The following NPM2 variants were observed in gnomAD, a reference collection of about 807,000 sequenced individuals.
The protein encoded by NPM2 is nucleophosmin/nucleoplasmin 2.
A neutral mutation model predicts 32.0 loss-of-function variants in NPM2; 25 were observed. The ratio of observed to expected loss-of-function variants is 0.78; its 90% confidence interval spans 0.57 to 1.09. The LOEUF (loss-of-function observed/expected upper bound fraction) is 1.09. Among genes scored for constraint, NPM2 ranks in the 50% least tolerant of loss-of-function variants. The pLI, the probability that NPM2 is intolerant of heterozygous loss-of-function variation, is 0.00. For synonymous variants in NPM2, 111 were observed against 94.2 expected, an observed-to-expected ratio of 1.18 and a Z score of -1.04; for missense variants, 282 against 259.9, an observed-to-expected ratio of 1.08 and a Z score of -0.58.
At chr8:22,032,764 A>T (rs1800481137) in intron 5 of NPM2, among the ~76,000 whole-genome samples, 1 of 152,064 alleles carries the variant, frequency 6.6e-6, no homozygotes, top group Non-Finnish European at 1.5e-5. Flanking sequence ...TAGTTCTATC[A>T]TGAGGGTCCT....
chr8:22,029,777 T>G (rs1800373840), intron 5 of NPM2, among the ~76,000 whole-genome samples: 1 of 152,260 alleles, frequency 6.6e-6, no homozygotes, highest in Non-Finnish European at 1.5e-5. Flanking sequence ...TTCCTTCAGC[T>G]TTGAAGCTGT....
At chr8:22,032,956 T>C in intron 5 of NPM2, 174 bp from the exon 6 acceptor site, 1 of 597,402 alleles carries the variant, frequency 1.7e-6, no homozygotes, top group Non-Finnish European at 3.0e-6. Context: ...ATCTGTGAGC[T>C]TAGCAAGAAT....
chr8:22,035,693 G>C (rs1800595913), intron 8 of NPM2, among the ~76,000 whole-genome samples: 1 of 152,152 alleles, frequency 6.6e-6, no homozygotes, highest in Middle Eastern at 3.2e-3. Context: ...CAGCACTTTG[G>C]GAAGCCAAGG....
At chr8:22,027,596 C>A (rs964340502) in intron 5 of NPM2, among the ~76,000 whole-genome samples, 1 of 150,742 alleles carries the variant, frequency 6.6e-6, no homozygotes, top group Non-Finnish European at 1.5e-5. Context: ...TTAGCCAAGA[C>A]AAAGCTCTTT....
chr8:22,035,120 A>G (rs1800576437), intron 8 of NPM2, among the ~76,000 whole-genome samples: 2 of 152,224 alleles, frequency 1.3e-5, no homozygotes, highest in Non-Finnish European at 2.9e-5. Context: ...AAAATTTTAA[A>G]AAGACGCTTA....
chr8:22,028,627 G>A (rs1024054779), intron 5 of NPM2, among the ~76,000 whole-genome samples: 1 of 151,908 alleles, frequency 6.6e-6, no homozygotes, highest in Non-Finnish European at 1.5e-5. Context: ...ACTATGCCCA[G>A]CCAAAAAGAT....
chr8:22,024,411 G>A lies in NPM2; in HGVS notation c.-353G>A, dbSNP rs1218944873. 1 of 152,460 alleles carries A rather than the reference G, an allele frequency of 6.6e-6. No individual in the cohort carries two copies. Among genetic ancestry groups the A allele is most frequent in the Non-Finnish European group, 1.5e-5 (1 of 68,222 alleles). The allele number at this position is 152,460 out of a possible 1,614,324, so 9.4% of individuals were successfully genotyped here. On this transcript the variant is annotated 5_prime_UTR_variant, in exon 1 of 10. Coordinates refer to ENST00000518119, the MANE Select transcript of NPM2 (RefSeq NM_001286680.2). The stretch of plus-strand genomic sequence containing the variant: ...GGCCTCCCTTCCTAAGCTGAGCTGA[G>A]GCTTCCTCTCCATGGGCTGGGGAGG...
chr8:22,025,121 C>A, intron 2 of NPM2, 95 bp from the exon 3 acceptor site: 1 of 1,032,880 alleles, frequency 9.7e-7, no homozygotes, highest in South Asian at 1.6e-5. Context: ...CGCGAGCGAC[C>A]CCTCAGTACC....
intron 5 of NPM2, among the ~76,000 whole-genome samples, chr8:22,029,939 AT>A (rs781577026): frequency 6.6e-6 from 1 of 150,454 alleles, no homozygotes; most frequent in African/African-American, 2.5e-5. Flanking sequence ...GTGTAGATTT[AT>A]TTTTTTTGTC....
At chr8:22,034,060 T>G in intron 6 of NPM2, 49 bp from the exon 7 acceptor site, 1 of 1,540,134 alleles carries the variant, frequency 6.5e-7, no homozygotes, top group Non-Finnish European at 8.7e-7. Flanking sequence ...GGGCATTGAT[T>G]CTGTAGCTCT....
intron 7 of NPM2, 32 bp downstream of exon 7, chr8:22,034,307 A>G: frequency 6.4e-7 from 1 of 1,554,618 alleles, no homozygotes; most frequent in Non-Finnish European, 8.7e-7. Context: ...TTTGGAAGGA[A>G]GTGGTACCCC....
intron 8 of NPM2, 48 bp downstream of exon 8, chr8:22,034,592 T>C (rs1364983107): frequency 7.5e-6 from 11 of 1,467,750 alleles, no homozygotes; most frequent in African/African-American, 2.8e-5. Flanking sequence ...AGCTGAGATA[T>C]ACAGTGTTAG....
chr8:22,030,891 C>A (rs893733001), intron 5 of NPM2, among the ~76,000 whole-genome samples: 3 of 152,170 alleles, frequency 2.0e-5, no homozygotes, highest in Admixed American at 6.6e-5. Context: ...CTTGGTCGGG[C>A]TAGTCTGCAG....
At chr8:22,036,339 C>A (rs1800619823) in intron 8 of NPM2, 154 bp from the exon 9 acceptor site, 2 of 641,178 alleles carry the variant, frequency 3.1e-6, no homozygotes, top group Non-Finnish European at 5.5e-6. Flanking sequence ...CACACGCACA[C>A]ACATCCCTTT....
chr8:22,030,806 G>A (rs959345703), intron 5 of NPM2, among the ~76,000 whole-genome samples: 5 of 152,024 alleles, frequency 3.3e-5, no homozygotes, highest in East Asian at 3.9e-4. Flanking sequence ...CAGCCCCCCC[G>A]AGTAGCCTGG....
rs1800358843 is a variant in NPM2 at position 22,029,336 on chromosome 8, G to C, written c.270+3564G>C. ...TTTTTGTATTTTTAGTAGAGACAGGGATTCACCACGTTGGCCAGGCTGGTC... is the reference window on the plus strand; with the variant it reads ...TTTTTGTATTTTTAGTAGAGACAGGCATTCACCACGTTGGCCAGGCTGGTC... On this transcript the variant is annotated intron_variant, in intron 5 of 9. Transcript: ENST00000518119. 2.0e-5 allele frequency among the ~76,000 whole-genome samples: 3 copies of C among 152,230 alleles called. No homozygotes were observed. The South Asian group carries it at 6.2e-4, about 32-fold the overall frequency.
intron 6 of NPM2, 142 bp downstream of exon 6, chr8:22,033,365 G>T (rs530741327): frequency 5.7e-6 from 4 of 706,970 alleles, no homozygotes; most frequent in Admixed American, 4.4e-5. Flanking sequence ...CAGCAGCCTG[G>T]ACTGGAAGGC....
At chr8:22,036,389 G>C (rs1265537235) in intron 8 of NPM2, 104 bp from the exon 9 acceptor site, 4 of 1,181,276 alleles carry the variant, frequency 3.4e-6, no homozygotes, top group Admixed American at 2.5e-5. Context: ...GAGCAGCCAG[G>C]CTTGCTTTCC....
rs1239211165 is a variant in NPM2, at chr8:22,025,465, T to G, written c.88T>G (p.Trp30Gly). Residue 30 changes from tryptophan (W) to glycine (G), a missense_variant, in exon 4 of 10, where the codon TGG becomes GGG. Transcript: ENST00000518119. ...CGAGCTCAGTCAGGAGAGGCGGACT[T>G]GGACCTTCAGACCCCAGCTGGAGGG... ...GCELSQERRT[W>G]TFRPQLEGKQ... 1 of 1,614,020 alleles carries G rather than the reference T, an allele frequency of 6.2e-7. No homozygotes were observed. Among genetic ancestry groups the G allele is most frequent in the Non-Finnish European group, 8.5e-7 (1 of 1,180,006 alleles).
Sources: gnomAD v4.1 joint callset for allele counts (sites outside exome capture counted in the v4.1 genomes callset) on GRCh38, gnomAD v4.1.1 for gene constraint, MANE v1.5 for transcripts, NCBI Gene and HGNC (gene_info 2026-07-23, HGNC 2026-07-21) for gene names.